Variants in ADAMTSL1 observed in about 807,000 individuals in gnomAD.
The protein encoded by ADAMTSL1 is ADAMTS like 1, also known as ADAMTS-like protein 1.
In ADAMTSL1, 126 loss-of-function variants were observed where a neutral mutation model predicts 201.8. That is an observed-to-expected ratio of 0.62 (90% CI 0.54 to 0.72). The LOEUF (loss-of-function observed/expected upper bound fraction) is 0.72. Ranked by LOEUF, ADAMTSL1 falls within the 30% of genes least tolerant of loss-of-function variation. The pLI is 0.00. For missense variants in ADAMTSL1, 2,679 were observed against 2,277.8 expected, an observed-to-expected ratio of 1.18 and a Z score of -3.59; for synonymous variants, 1,121 against 903.4, an observed-to-expected ratio of 1.24 and a Z score of -4.32.
At chr9:18,221,378 A>G (rs977108794) in intron 2 of ADAMTSL1, among the ~76,000 whole-genome samples, 1 of 152,206 alleles carries the variant, frequency 6.6e-6, no homozygotes, top group Non-Finnish European at 1.5e-5. Context: ...ATGTGTTCAC[A>G]CAGTGCCCCT....
chr9:18,764,243 G>A (rs1316999857), intron 16 of ADAMTSL1, among the ~76,000 whole-genome samples: 2 of 152,098 alleles, frequency 1.3e-5, no homozygotes, highest in African/African-American at 4.8e-5. Context: ...TAAATTTTGT[G>A]TGTAGATATT....
chr9:18,529,361 C>G (rs1156324633), intron 2 of ADAMTSL1, among the ~76,000 whole-genome samples: 1 of 152,124 alleles, frequency 6.6e-6, no homozygotes, highest in Non-Finnish European at 1.5e-5. Context: ...GAATTTTTAG[C>G]TTAGTGTTAG....
intron 2 of ADAMTSL1, among the ~76,000 whole-genome samples, chr9:18,178,719 C>A (rs1251392345): frequency 6.6e-6 from 1 of 151,960 alleles, no homozygotes; most frequent in Non-Finnish European, 1.5e-5. Context: ...GTCCCTGACC[C>A]CTGACCCCCG....
At chr9:18,679,919 T>A (rs1349252074) in intron 10 of ADAMTSL1, among the ~76,000 whole-genome samples, 1 of 152,210 alleles carries the variant, frequency 6.6e-6, no homozygotes, top group Non-Finnish European at 1.5e-5. Context: ...GTTAACTGAG[T>A]ATACCACTTT....
intron 1 of ADAMTSL1, among the ~76,000 whole-genome samples, chr9:17,926,746 C>T (rs909660269): frequency 6.6e-6 from 1 of 152,076 alleles, no homozygotes; most frequent in African/African-American, 2.4e-5. Flanking sequence ...CACCAATGAG[C>T]TTTTCCAAGC....
chr9:18,849,312 A>C (rs1355356535), intron 23 of ADAMTSL1, among the ~76,000 whole-genome samples: 1 of 151,844 alleles, frequency 6.6e-6, no homozygotes, highest in Non-Finnish European at 1.5e-5. Context: ...CCTTCACCCC[A>C]CCCGCACATT....
At chr9:18,714,348 G>A (rs528110338) in intron 14 of ADAMTSL1, among the ~76,000 whole-genome samples, 5,232 of 150,764 alleles carry the variant, frequency 0.035, 80 homozygotes, top group African/African-American at 0.08. Context: ...TTGATAGACC[G>A]CTAGCAAGAC....
At chr9:18,395,174 G>A (rs1177194271) in intron 2 of ADAMTSL1, among the ~76,000 whole-genome samples, 1 of 152,218 alleles carries the variant, frequency 6.6e-6, no homozygotes, top group Admixed American at 6.5e-5. Flanking sequence ...CGGATCTCCA[G>A]CATTATGTCA....
rs758913277 is a variant in ADAMTSL1 at position 18,829,844 on chromosome 9, T to TC, written c.4123dup (p.Gln1375ProfsTer53). 7.4e-6 allele frequency: 12 copies of TC among 1,613,746 alleles called. No homozygotes were observed. Among genetic ancestry groups the TC allele is most frequent in the East Asian group, 2.2e-5 (1 of 44,874 alleles). On this transcript the variant is annotated frameshift_variant and splice_region_variant, in exon 23 of 29. Transcript: ENST00000380548. LOFTEE classifies it high-confidence loss of function. The stretch of plus-strand genomic sequence containing the variant: ...GATCCACCCTCTGCCTTCTCACAGA[T>TC]CCCCCCCAAGTCCCCACACAGTTGG...
At chr9:18,173,085 C>T (rs889098992) in intron 2 of ADAMTSL1, among the ~76,000 whole-genome samples, 4 of 152,022 alleles carry the variant, frequency 2.6e-5, no homozygotes, top group Admixed American at 6.6e-5. Context: ...TAAAATGTTT[C>T]TATTTGTTTA....
intron 9 of ADAMTSL1, among the ~76,000 whole-genome samples, chr9:18,672,023 T>C (rs1302790913): frequency 6.6e-6 from 1 of 151,852 alleles, no homozygotes; most frequent in Non-Finnish European, 1.5e-5. Context: ...GGCGACAGAG[T>C]GAGACTCCAT....
intron 2 of ADAMTSL1, among the ~76,000 whole-genome samples, chr9:18,515,011 C>G (rs939034310): frequency 7.9e-5 from 12 of 152,280 alleles, no homozygotes; most frequent in Non-Finnish European, 1.6e-4. Flanking sequence ...GATTTTTCTG[C>G]ATCTTTCAAA....
At chr9:18,292,758 G>A (rs1229177639) in intron 2 of ADAMTSL1, among the ~76,000 whole-genome samples, 1 of 152,162 alleles carries the variant, frequency 6.6e-6, no homozygotes, top group Non-Finnish European at 1.5e-5. Flanking sequence ...CAGGTCTTTG[G>A]CCACAGATTG....
intron 2 of ADAMTSL1, among the ~76,000 whole-genome samples, chr9:18,412,767 A>G (rs1563943686): frequency 6.6e-6 from 1 of 152,122 alleles, no homozygotes; most frequent in Non-Finnish European, 1.5e-5. Flanking sequence ...ACATAATTTC[A>G]TTCATGTTTA....
chr9:18,302,404 A>G lies in ADAMTSL1; in HGVS notation c.207+138423A>G, dbSNP rs566775524. Among the ~76,000 whole-genome samples the G allele has an allele frequency of 3.1e-4, 47 of 152,316 alleles. No individual in the cohort carries two copies. The South Asian group carries it at 8.9e-3, about 29-fold the overall frequency. On this transcript the variant is annotated intron_variant, in intron 2 of 29. Coordinates refer to the ADAMTSL1 transcript ENST00000680146. ...TATACCTTCAGTATGCTGGGGCAAAAAAAAGTTGAGTGCTGTTGCATACTA... is the reference window on the plus strand; with the variant it reads ...TATACCTTCAGTATGCTGGGGCAAAGAAAAGTTGAGTGCTGTTGCATACTA...
At chr9:18,295,033 C>G (rs559758039) in intron 2 of ADAMTSL1, among the ~76,000 whole-genome samples, 15 of 152,204 alleles carry the variant, frequency 9.9e-5, no homozygotes, top group African/African-American at 3.6e-4. Context: ...CTTCTCCTCC[C>G]AGGCACTCAC....
intron 1 of ADAMTSL1, among the ~76,000 whole-genome samples, chr9:17,991,593 GCC>G (rs1205699196): frequency 6.6e-6 from 1 of 152,036 alleles, no homozygotes; most frequent in Non-Finnish European, 1.5e-5. Context: ...TCTCTGGATG[GCC>G]CCTGTTTGAA....
Position 17,972,433 on chromosome 9 carries a change from G to A in ADAMTSL1, c.87+65511G>A, listed in dbSNP as rs764640543. 4.7e-3 allele frequency among the ~76,000 whole-genome samples: 707 copies of A among 151,020 alleles called. 2 individuals carry two copies. The highest frequency in any genetic ancestry group is 7.7e-3 in the Non-Finnish European group (522 of 67,784). On this transcript the variant is annotated intron_variant, in intron 1 of 29. Transcript: ENST00000680146. ...ACGGTGTTTCGTTTTTTGTCCTTGCGATAGTTTGCTGAGAATGATGGTTTC... is the reference window on the plus strand; with the variant it reads ...ACGGTGTTTCGTTTTTTGTCCTTGCAATAGTTTGCTGAGAATGATGGTTTC...
chr9:18,284,763 T>C (rs1202996518), intron 2 of ADAMTSL1, among the ~76,000 whole-genome samples: 1 of 152,248 alleles, frequency 6.6e-6, no homozygotes, highest in African/African-American at 2.4e-5. Flanking sequence ...TTAATGCAAG[T>C]ATGGATATTT....
Sources: gnomAD v4.1 joint callset for allele counts (sites outside exome capture counted in the v4.1 genomes callset) on GRCh38, gnomAD v4.1.1 for gene constraint, MANE v1.5 for transcripts, NCBI Gene and HGNC (gene_info 2026-07-23, HGNC 2026-07-21) for gene names.